The following NYX variants were observed in gnomAD, a reference collection of about 807,000 sequenced individuals.
The protein encoded by NYX is nyctalopin, also known as leucine-rich repeat protein.
For missense variants in NYX, 481 were observed against 485.4 expected, an observed-to-expected ratio of 0.99 and a Z score of 0.09; for synonymous variants, 258 against 245.7, an observed-to-expected ratio of 1.05 and a Z score of -0.47.
At chrX:41,448,542 T>TTTTTCTTTTC (rs1181257141) in intron 2 of NYX, among the ~76,000 whole-genome samples, 1 of 104,858 alleles carries the variant, frequency 9.5e-6, no homozygotes, top group Non-Finnish European at 2.0e-5. Context: ...GTACGGTGGT[T>TTTTTCTTTTC]TTTTCTTTTC....
intron 2 of NYX, among the ~76,000 whole-genome samples, chrX:41,453,716 A>G (rs1343098835): frequency 8.9e-6 from 1 of 112,341 alleles, no homozygotes; most frequent in African/African-American, 3.2e-5. Context: ...TTGGCCTCTC[A>G]AAGTGTTGGG....
intron 2 of NYX, among the ~76,000 whole-genome samples, chrX:41,461,525 TC>T (rs757691501): frequency 9.1e-6 from 1 of 109,997 alleles, no homozygotes; most frequent in African/African-American, 3.3e-5. Context: ...TATAATGACT[TC>T]TTTTCCTCTG....
chrX:41,454,264 G>A (rs1481598082), intron 2 of NYX, among the ~76,000 whole-genome samples: 1 of 111,262 alleles, frequency 9.0e-6, no homozygotes, highest in Non-Finnish European at 1.9e-5. Context: ...AATAGCTTCA[G>A]TATTCTGACA....
chrX:41,457,379 A>G (rs2064302723), intron 2 of NYX, among the ~76,000 whole-genome samples: 2 of 110,241 alleles, frequency 1.8e-5, no homozygotes, highest in South Asian at 7.8e-4. Flanking sequence ...CAGTGAGAAG[A>G]CAACTGTCTA....
In NYX at chrX:41,473,627, C is replaced by G. The variant is rs1266048122; in HGVS notation, c.159C>G (p.Ala53=). The part of the protein sequence containing the change: ...CDRAGLLRVP[A]ELPCEAVSID... The stretch of plus-strand genomic sequence containing the variant: ...GCGCGGGCCTCCTGCGGGTGCCGGC[C>G]GAGCTCCCGTGCGAGGCGGTCTCCA... Residue 53 remains alanine (A), a synonymous_variant, in exon 3 of 3, where the codon GCC becomes GCG. Coordinates refer to ENST00000378220, the MANE Select transcript of NYX (RefSeq NM_001378477.3). 2.8e-6 allele frequency: 3 copies of G among 1,056,789 alleles called. No homozygotes were observed. The highest frequency in any genetic ancestry group is 2.4e-6 in the Non-Finnish European group (2 of 821,533). 87.1% of individuals were successfully genotyped at this position (1,056,789 alleles called of 1,213,427 possible). A position where few individuals can be genotyped will look rare whatever the true frequency, so the allele number is the denominator to read the frequency against.
chrX:41,469,573 G>A, intron 2 of NYX, among the ~76,000 whole-genome samples: 1 of 99,355 alleles, frequency 1.0e-5, no homozygotes, highest in African/African-American at 3.7e-5. Context: ...TTGAGACGGA[G>A]TCTCACTCTG....
chrX:41,473,687 C>A lies in NYX; in HGVS notation c.219C>A (p.Gly73=). 1 of 1,133,319 alleles carries A rather than the reference C, an allele frequency of 8.8e-7. No individual in the cohort carries two copies. The highest frequency in any genetic ancestry group is 2.4e-4 in the Middle Eastern group (1 of 4,180). 93.4% of individuals were successfully genotyped at this position (1,133,319 alleles called of 1,213,427 possible). Residue 73 remains glycine (G), a synonymous_variant, in exon 3 of 3, where the codon GGC becomes GGA. Coordinates refer to ENST00000378220, the MANE Select transcript of NYX (RefSeq NM_001378477.3). ...DLDRNGLRFL[G]ERAFGTLPSL... is the part of the protein sequence containing the mutation. Reference sequence around the variant, plus strand: ...ACCGGAACGGCCTGCGCTTCCTGGGCGAGCGAGCCTTCGGCACGCTGCCGT... The same window carrying A: ...ACCGGAACGGCCTGCGCTTCCTGGGAGAGCGAGCCTTCGGCACGCTGCCGT...
chrX:41,472,460 C>T (rs1035043354), intron 2 of NYX: 4 of 942,455 alleles, frequency 4.2e-6, no homozygotes, highest in Non-Finnish European at 6.1e-6. Flanking sequence ...GCGGAGGTAA[C>T]GATCCCGAAG....
chrX:41,457,735 A>G lies in NYX; in HGVS notation c.22+9809A>G, dbSNP rs776892729. Among the ~76,000 whole-genome samples the G allele has an allele frequency of 2.7e-5, 3 of 111,377 alleles. No individual in the cohort carries two copies. In the East Asian group the frequency reaches 8.5e-4, roughly 31 times the overall value. On this transcript the variant is annotated intron_variant, in intron 2 of 2. Transcript: ENST00000378220. ...TAGCTCTGTTTAGGTCAAAGTGTTC[A>G]ACTGCGGTGCAAACAGCTGTGGTTG... is the stretch of plus-strand genomic sequence containing the variant.
At chrX:41,448,562 C>CTTTT (rs1289675519) in intron 2 of NYX, among the ~76,000 whole-genome samples, 1 of 86,587 alleles carries the variant, frequency 1.2e-5, no homozygotes, top group African/African-American at 4.3e-5. Flanking sequence ...CTTTTCTTTT[C>CTTTT]TTTTTTTTTT....
In NYX at chrX:41,473,859, C is replaced by T. The variant is rs2147025572; in HGVS notation, c.391C>T (p.Arg131Cys). The T allele has an allele frequency of 9.0e-7, 1 of 1,107,264 alleles. No homozygotes were observed. The highest frequency in any genetic ancestry group is 1.2e-6 in the Non-Finnish European group (1 of 850,809). 91.3% of individuals were successfully genotyped at this position (1,107,264 alleles called of 1,213,427 possible). A position where few individuals can be genotyped will look rare whatever the true frequency, so the allele number is the denominator to read the frequency against. Residue 131 changes from arginine to cysteine, a missense_variant, in exon 3 of 3, where the codon CGC becomes TGC. Arg to Cys is a radical substitution (Grantham distance 180). Coordinates refer to ENST00000378220, the MANE Select transcript of NYX (RefSeq NM_001378477.3). ...CGCGCGCACCTTCGCGGCGCTCAGC[C>T]GCCTGCGCCGCCTAGACCTAGCAGC... ...LHARTFAALS[R>C]LRRLDLAACR... is the part of the protein sequence containing the mutation.
At chrX:41,473,253 G>A (rs1232852709) in intron 2 of NYX, among the ~76,000 whole-genome samples, 11 of 111,163 alleles carry the variant, frequency 9.9e-5, no homozygotes, top group African/African-American at 2.9e-4. Context: ...GATTGCAGCT[G>A]GGTTTTGCTG....
chrX:41,472,006 A>G (rs1303872235), intron 2 of NYX, among the ~76,000 whole-genome samples: 1 of 110,542 alleles, frequency 9.0e-6, no homozygotes, highest in African/African-American at 3.3e-5. Context: ...CAATGGCATC[A>G]GGCCCATATT....
chrX:41,469,965 T>C (rs759457341), intron 2 of NYX, among the ~76,000 whole-genome samples: 1 of 111,002 alleles, frequency 9.0e-6, no homozygotes, highest in Non-Finnish European at 1.9e-5. Flanking sequence ...TACTCTCCCA[T>C]GATGATGTAA....
chrX:41,472,648 C>T (rs777997181), intron 2 of NYX: 3 of 452,024 alleles, frequency 6.6e-6, no homozygotes, highest in African/African-American at 4.8e-5. Context: ...TCACTGGAGC[C>T]TGCATTGTCT....
At chrX:41,450,830 T>TA (rs1569262101) in intron 2 of NYX, among the ~76,000 whole-genome samples, 364 of 14,991 alleles carry the variant, frequency 0.024, 4 homozygotes, top group Admixed American at 0.13. Flanking sequence ...ATATATATAT[T>TA]TTTTTTTTTT....
At chrX:41,463,018 C>G (rs1279933251) in intron 2 of NYX, among the ~76,000 whole-genome samples, 2 of 93,290 alleles carry the variant, frequency 2.1e-5, no homozygotes, top group Non-Finnish European at 4.5e-5. Context: ...TCTTCTCTCT[C>G]TCTTTTTTTT....
rs187749918 is a variant in NYX, at chrX:41,464,414, C to T, written c.23-9077C>T. Among the ~76,000 whole-genome samples the T allele has an allele frequency of 6.5e-3, 728 of 111,824 alleles. 7 individuals are homozygous for T. The highest frequency in any genetic ancestry group is 0.022 in the African/African-American group (669 of 30,814). The stretch of plus-strand genomic sequence containing the variant: ...TCGGCCTCCAAAAGTGCTAGGATTA[C>T]AGGCATGGGCCACTGTGCCCAGCCA... On this transcript the variant is annotated intron_variant, in intron 2 of 2. Transcript: ENST00000378220.
chrX:41,469,976 A>G (rs2064353224), intron 2 of NYX, among the ~76,000 whole-genome samples: 1 of 111,199 alleles, frequency 9.0e-6, no homozygotes, highest in African/African-American at 3.3e-5. Context: ...GATGATGTAA[A>G]AAAGTTTCTA....
Sources: allele counts gnomAD v4.1 joint callset (sites outside exome capture counted in the v4.1 genomes callset), GRCh38; gene constraint gnomAD v4.1.1; transcripts MANE v1.5; gene names NCBI Gene and HGNC (gene_info 2026-07-23, HGNC 2026-07-21).